MAML3: variants seen among roughly 807,000 people sequenced by gnomAD.
MAML3 encodes the protein mastermind like transcriptional coactivator 3.
In MAML3, 27 loss-of-function variants were observed where a neutral mutation model predicts 101.9. The ratio of observed to expected loss-of-function variants is 0.27; its 90% confidence interval spans 0.20 to 0.37. MAML3 has a LOEUF of 0.37. Among genes scored for constraint, MAML3 ranks in the 10% least tolerant of loss-of-function variants. MAML3 has a pLI of 1.00. For missense variants in MAML3, 1,316 were observed against 1,444.9 expected, an observed-to-expected ratio of 0.91 and a Z score of 1.45; for synonymous variants, 501 against 555.9, an observed-to-expected ratio of 0.90 and a Z score of 1.39.
At chr4:140,072,633 G>A (rs1727679720) in intron 1 of MAML3, among the ~76,000 whole-genome samples, 1 of 149,664 alleles carries the variant, frequency 6.7e-6, no homozygotes, top group African/African-American at 2.5e-5. Context: ...TCGTGCCATT[G>A]CACTCCAACC....
chr4:139,726,164 T>A (rs1219499459), intron 3 of MAML3, among the ~76,000 whole-genome samples: 1 of 152,378 alleles, frequency 6.6e-6, no homozygotes, highest in East Asian at 1.9e-4. Context: ...TGTCTGCTTT[T>A]GTACTTTGCA....
At position 139,864,923 on chromosome 4, in the gene MAML3, C is replaced by CTTGTTTTTTTT. The variant is rs56928318; in HGVS notation, c.2079+24433_2079+24434insAAAAAAAACAA. On this transcript the variant is annotated intron_variant, in intron 2 of 4. Coordinates refer to ENST00000509479, the MANE Select transcript of MAML3 (RefSeq NM_018717.5). ...TTAGGAAAATAGTAATGCAAACTTG[C>CTTGTTTTTTTT]TTTTTTTTTTTTTTTTTTTTTTTTT... Among the ~76,000 whole-genome samples the CTTGTTTTTTTT allele has an allele frequency of 1.0e-3, 64 of 62,468 alleles. 24 individuals are homozygous for CTTGTTTTTTTT. The highest frequency in any genetic ancestry group is 2.5e-3 in the African/African-American group (42 of 17,070). 41.0% of individuals were successfully genotyped at this position (62,468 alleles called of 152,430 possible).
chr4:139,875,673 T>G (rs1021332073), intron 2 of MAML3, among the ~76,000 whole-genome samples: 1 of 152,034 alleles, frequency 6.6e-6, no homozygotes, highest in Non-Finnish European at 1.5e-5. Flanking sequence ...CAGGGTGTCA[T>G]GAATAAGGGC....
intron 1 of MAML3, among the ~76,000 whole-genome samples, chr4:139,943,557 T>C (rs377200432): frequency 3.9e-5 from 6 of 152,308 alleles, no homozygotes; most frequent in African/African-American, 1.4e-4. Context: ...CCTGGAATTC[T>C]AGAGAATGGC....
At chr4:139,782,735 C>T (rs1242185605) in intron 2 of MAML3, among the ~76,000 whole-genome samples, 5 of 152,068 alleles carry the variant, frequency 3.3e-5, no homozygotes, top group Non-Finnish European at 5.9e-5. Flanking sequence ...TAGTGGTGTG[C>T]GCACCCAGAA....
At chr4:139,804,380 C>T (rs1730668766) in intron 2 of MAML3, among the ~76,000 whole-genome samples, 1 of 151,998 alleles carries the variant, frequency 6.6e-6, no homozygotes, top group South Asian at 2.1e-4. Context: ...GATTCTCCTG[C>T]CTCAGCCTCC....
intron 1 of MAML3, among the ~76,000 whole-genome samples, chr4:139,909,815 C>T (rs986244413): frequency 4.8e-5 from 6 of 125,654 alleles, no homozygotes; most frequent in Non-Finnish European, 6.4e-5. Flanking sequence ...CCAGCCTGGG[C>T]CACAGAGTGC....
chr4:139,828,416 C>T (rs1265471932), intron 2 of MAML3, among the ~76,000 whole-genome samples: 4 of 152,228 alleles, frequency 2.6e-5, no homozygotes, highest in Admixed American at 2.6e-4. Context: ...TTTGATAGAA[C>T]TTCTTTGTCC....
chr4:140,004,324 C>CA lies in MAML3; in HGVS notation c.469-113358dup, dbSNP rs547468886. Among the ~76,000 whole-genome samples the CA allele has an allele frequency of 1.0e-3, 157 of 152,266 alleles. 4 individuals carry two copies. In the South Asian group the frequency reaches 0.032, roughly 31 times the overall value. ...GTGCTAGGGAAGGACCATTTACCCC[C>CA]ACTCCCCTAGCACCCAGTATTTTTA... On this transcript the variant is annotated intron_variant, in intron 1 of 4. Transcript: ENST00000509479.
intron 2 of MAML3, among the ~76,000 whole-genome samples, chr4:139,743,488 A>T (rs1729226273): frequency 6.6e-6 from 1 of 152,218 alleles, no homozygotes; most frequent in South Asian, 2.1e-4. Flanking sequence ...AAGAATACAC[A>T]ATTTCTCAAT....
At chr4:139,966,540 T>C (rs1734133515) in intron 1 of MAML3, among the ~76,000 whole-genome samples, 1 of 152,188 alleles carries the variant, frequency 6.6e-6, no homozygotes. Context: ...ACAGGATTAT[T>C]AATAGGATGG....
intron 2 of MAML3, among the ~76,000 whole-genome samples, chr4:139,738,659 T>G (rs965768103): frequency 4.0e-5 from 6 of 151,858 alleles, no homozygotes. Flanking sequence ...GCTGCCCAAT[T>G]GCTGGGGAAC....
chr4:139,833,642 C>A (rs1731210413), intron 2 of MAML3, among the ~76,000 whole-genome samples: 1 of 152,188 alleles, frequency 6.6e-6, no homozygotes, highest in Admixed American at 6.5e-5. Flanking sequence ...CCTAAGTTTA[C>A]CATGCAAGAA....
At chr4:139,850,952 G>A (rs1731537468) in intron 2 of MAML3, among the ~76,000 whole-genome samples, 1 of 151,476 alleles carries the variant, frequency 6.6e-6, no homozygotes, top group African/African-American at 2.4e-5. Flanking sequence ...GTAAGATATG[G>A]TTGACATTAG....
chr4:139,906,779 A>G (rs965762092), intron 1 of MAML3, among the ~76,000 whole-genome samples: 1 of 152,188 alleles, frequency 6.6e-6, no homozygotes, highest in African/African-American at 2.4e-5. Flanking sequence ...TTAAGTTTGC[A>G]TAATATTTTC....
chr4:140,125,590 T>G (rs1728670417), intron 1 of MAML3, among the ~76,000 whole-genome samples: 1 of 152,198 alleles, frequency 6.6e-6, no homozygotes, highest in Non-Finnish European at 1.5e-5. Context: ...ATCACTCCTA[T>G]GTAGAGGAGA....
intron 2 of MAML3, among the ~76,000 whole-genome samples, chr4:139,807,525 G>A (rs576167120): frequency 2.8e-4 from 42 of 152,294 alleles, no homozygotes; most frequent in African/African-American, 8.4e-4. Context: ...AAGGCTATGC[G>A]TGGGGCAGAT....
chr4:140,110,001 C>T (rs1728413696), intron 1 of MAML3, among the ~76,000 whole-genome samples: 1 of 152,174 alleles, frequency 6.6e-6, no homozygotes, highest in African/African-American at 2.4e-5. Context: ...TTTGCAAAAA[C>T]TAAAAGGAAT....
intron 2 of MAML3, among the ~76,000 whole-genome samples, chr4:139,755,524 C>T (rs543379625): frequency 3.3e-5 from 5 of 152,240 alleles, no homozygotes; most frequent in East Asian, 1.9e-4. Flanking sequence ...AGGAGAATGG[C>T]GTGAACCCGG....
Sources: gnomAD v4.1 joint callset for allele counts (sites outside exome capture counted in the v4.1 genomes callset) on GRCh38, gnomAD v4.1.1 for gene constraint, MANE v1.5 for transcripts, NCBI Gene and HGNC (gene_info 2026-07-23, HGNC 2026-07-21) for gene names.